CMIP: variants seen among roughly 807,000 people sequenced by gnomAD.
CMIP encodes c-Maf inducing protein.
In CMIP, 13 loss-of-function variants were observed where a neutral mutation model predicts 97.3. The observed-to-expected ratio is 0.13, with a 90% CI of 0.09 to 0.21. The LOEUF is 0.21. Ranked by LOEUF, CMIP falls within the 10% of genes least tolerant of loss-of-function variation. The pLI is 1.00. For missense variants in CMIP, 847 were observed against 1,024.9 expected (o/e 0.83, Z 2.37); for synonymous variants, 538 against 436.3 (o/e 1.23, Z -2.91).
At chr16:81,550,103 C>T (rs143766008) in intron 1 of CMIP, among the ~76,000 whole-genome samples, 7 of 152,318 alleles carry the variant, frequency 4.6e-5, no homozygotes, top group South Asian at 2.1e-4. Flanking sequence ...GGCTGTAGGA[C>T]GAAGGCAGTA....
intron 1 of CMIP, among the ~76,000 whole-genome samples, chr16:81,512,833 T>TTC (rs879774438): frequency 0.047 from 7,224 of 152,108 alleles, 196 homozygotes; most frequent in Non-Finnish European, 0.065. Context: ...GCTTCCTGGG[T>TTC]TCAAGCAATT....
chr16:81,481,900 A>G (rs1006876148), intron 1 of CMIP, among the ~76,000 whole-genome samples: 84 of 117,684 alleles, frequency 7.1e-4, no homozygotes, highest in African/African-American at 2.0e-3. Context: ...TTTTTTTGAG[A>G]GGGGGTCTCA....
intron 8 of CMIP, among the ~76,000 whole-genome samples, chr16:81,670,925 T>C (rs1597227111): frequency 6.6e-6 from 1 of 151,986 alleles, no homozygotes; most frequent in Non-Finnish European, 1.5e-5. Flanking sequence ...GGCTCCCGGG[T>C]TCAAGCAATT....
chr16:81,700,709 G>A (rs72831127), intron 15 of CMIP: 12,535 of 153,112 alleles, frequency 0.082, 621 homozygotes, highest in Non-Finnish European at 0.11. Flanking sequence ...GCAGCGGGAA[G>A]GTGGGAGCTG....
intron 1 of CMIP, chr16:81,517,963 ATG>A: frequency 1.0e-6 from 1 of 970,168 alleles, no homozygotes; most frequent in Non-Finnish European, 1.2e-6. Flanking sequence ...ACGCCAGTGG[ATG>A]TGTGGAATTT....
At chr16:81,534,182 C>T (rs1597518421) in intron 1 of CMIP, among the ~76,000 whole-genome samples, 1 of 152,206 alleles carries the variant, frequency 6.6e-6, no homozygotes, top group Non-Finnish European at 1.5e-5. Context: ...CTTTTGACCA[C>T]ACAGCAAGGC....
intron 1 of CMIP, among the ~76,000 whole-genome samples, chr16:81,507,588 T>C (rs1199928118): frequency 6.6e-6 from 1 of 152,228 alleles, no homozygotes. Context: ...TGGCTCCCCT[T>C]TGTGGGAACA....
At chr16:81,592,825 G>C (rs2091486454) in intron 1 of CMIP, among the ~76,000 whole-genome samples, 2 of 152,228 alleles carry the variant, frequency 1.3e-5, no homozygotes. Context: ...GCTTTGGTGA[G>C]GACCTGGCAT....
chr16:81,645,616 A>T, intron 3 of CMIP: 1 of 1,535,596 alleles, frequency 6.5e-7, no homozygotes, highest in Non-Finnish European at 8.7e-7. Context: ...CCCTTCCTTG[A>T]CAAGCAGAGA....
chr16:81,676,515 A>G (rs1392461338), intron 9 of CMIP, among the ~76,000 whole-genome samples: 1 of 152,144 alleles, frequency 6.6e-6, no homozygotes, highest in Non-Finnish European at 1.5e-5. Flanking sequence ...CGGCAAACAA[A>G]GAGAAATGCA....
intron 1 of CMIP, among the ~76,000 whole-genome samples, chr16:81,489,992 G>C (rs1445116020): frequency 1.3e-5 from 2 of 152,210 alleles, no homozygotes; most frequent in Non-Finnish European, 2.9e-5. Context: ...CTCAGTACCA[G>C]CCTTTGGACT....
chr16:81,601,541 G>A lies in CMIP; in HGVS notation c.301-6026G>A, dbSNP rs989965559. Reference sequence around the variant, plus strand: ...ATGGGACCCTCATGAGGTCCTTCTAGGCCCTATTTTTTCCAGCCCAGATCC... The same window carrying A: ...ATGGGACCCTCATGAGGTCCTTCTAAGCCCTATTTTTTCCAGCCCAGATCC... On this transcript the variant is annotated intron_variant, in intron 1 of 20. Coordinates refer to ENST00000537098, the MANE Select transcript of CMIP (RefSeq NM_198390.3). Among the ~76,000 whole-genome samples, 7 of 152,240 alleles carry A rather than the reference G, an allele frequency of 4.6e-5. No individual in the cohort carries two copies. The East Asian group carries it at 1.2e-3, about 25-fold the overall frequency.
intron 10 of CMIP, among the ~76,000 whole-genome samples, chr16:81,683,415 G>T (rs1001672923): frequency 6.6e-6 from 1 of 152,198 alleles, no homozygotes; most frequent in Non-Finnish European, 1.5e-5. Context: ...CCTAATGACT[G>T]GGAGGCAGGG....
chr16:81,599,650 G>C (rs979540709), intron 1 of CMIP, among the ~76,000 whole-genome samples: 13 of 152,146 alleles, frequency 8.5e-5, no homozygotes, highest in Non-Finnish European at 1.8e-4. Flanking sequence ...AGAGGAATTT[G>C]GCATAACAGA....
chr16:81,574,201 C>T (rs1215157075), intron 1 of CMIP, among the ~76,000 whole-genome samples: 2 of 152,246 alleles, frequency 1.3e-5, no homozygotes, highest in Non-Finnish European at 2.9e-5. Flanking sequence ...GGATGCCTGG[C>T]TGAGGGCCCA....
At chr16:81,576,685 A>T (rs535250819) in intron 1 of CMIP, among the ~76,000 whole-genome samples, 2 of 152,102 alleles carry the variant, frequency 1.3e-5, no homozygotes, top group Non-Finnish European at 2.9e-5. Context: ...TTGCTGCAGA[A>T]TGATGTCTCC....
At chr16:81,498,754 C>T (rs1048888521) in intron 1 of CMIP, among the ~76,000 whole-genome samples, 1 of 152,182 alleles carries the variant, frequency 6.6e-6, no homozygotes, top group African/African-American at 2.4e-5. Flanking sequence ...ACAGTCCACA[C>T]GTTTGCAAAC....
At chr16:81,599,834 A>G (rs1290007899) in intron 1 of CMIP, among the ~76,000 whole-genome samples, 1 of 152,182 alleles carries the variant, frequency 6.6e-6, no homozygotes, top group East Asian at 1.9e-4. Context: ...GTCAAGTTAA[A>G]TGAGGGATTA....
chr16:81,462,725 AG>A (rs1308831816), intron 1 of CMIP, among the ~76,000 whole-genome samples: 1 of 152,170 alleles, frequency 6.6e-6, no homozygotes, highest in Non-Finnish European at 1.5e-5. Context: ...TAAGATTTAG[AG>A]CAGTTCTTCA....
Sources: allele counts gnomAD v4.1 joint callset (sites outside exome capture counted in the v4.1 genomes callset), GRCh38; gene constraint gnomAD v4.1.1; transcripts MANE v1.5; gene names NCBI Gene and HGNC (gene_info 2026-07-23, HGNC 2026-07-21).